CYRIB: variants seen among roughly 807,000 people sequenced by gnomAD.
CYRIB encodes CYFIP related Rac1 interactor B.
CYRIB carries 8 observed loss-of-function variants against 44.2 expected under a neutral mutation model. The ratio of observed to expected loss-of-function variants is 0.18; its 90% CI spans 0.11 to 0.33. CYRIB has a LOEUF of 0.33. Among genes scored for constraint, CYRIB ranks in the 10% least tolerant of loss-of-function variants. The probability of loss-of-function intolerance (pLI) is 1.00; values close to 1 mark genes in which losing one functional copy is unlikely to be tolerated. For synonymous variants in CYRIB, 131 were observed against 127.2 expected (o/e 1.03, Z -0.20); for missense variants, 185 against 382.8 (o/e 0.48, Z 4.31).
At chr8:129,900,366 T>C (rs1249529544) in intron 2 of CYRIB, among the ~76,000 whole-genome samples, 2 of 152,132 alleles carry the variant, frequency 1.3e-5, no homozygotes, top group African/African-American at 2.4e-5. Flanking sequence ...TTGAAATGAT[T>C]GTTAATGCTG....
At chr8:129,987,565 T>TTC (rs1192607478) in intron 1 of CYRIB, among the ~76,000 whole-genome samples, 21 of 63,796 alleles carry the variant, frequency 3.3e-4, no homozygotes, top group African/African-American at 1.9e-3. Flanking sequence ...TCTTTTTTTT[T>TTC]TTCTTTTTTT....
At chr8:130,007,989 A>T (rs2097142668) in intron 1 of CYRIB, among the ~76,000 whole-genome samples, 1 of 152,168 alleles carries the variant, frequency 6.6e-6, no homozygotes, top group Non-Finnish European at 1.5e-5. Context: ...CGGCCAGATC[A>T]TCTGAGGTCA....
intron 1 of CYRIB, among the ~76,000 whole-genome samples, chr8:129,991,971 A>AAAAAAAAAAAAAAAAGAGAGAG (rs994697259): frequency 2.2e-5 from 3 of 134,690 alleles, no homozygotes; most frequent in Non-Finnish European, 4.9e-5. Flanking sequence ...AAAAAAAAAA[A>AAAAAAAAAAAAAAAAGAGAGAG]ACAATAGGAA....
chr8:129,995,456 C>T (rs1299425192), intron 1 of CYRIB, among the ~76,000 whole-genome samples: 2 of 152,228 alleles, frequency 1.3e-5, no homozygotes, highest in African/African-American at 4.8e-5. Context: ...CATTCAGCAT[C>T]AGTTACATTG....
At chr8:129,943,637 G>C (rs1343158466), upstream of CYRIB, among the ~76,000 whole-genome samples, 7 of 130,008 alleles carry the variant, frequency 5.4e-5, no homozygotes, top group South Asian at 2.6e-4. Context: ...CTCGCTCTGT[G>C]GCCCAGGCGG....
exon 4 of CYRIB, chr8:129,871,455 C>A (rs1160108252): frequency 6.2e-7 from 1 of 1,611,240 alleles, no homozygotes; most frequent in Admixed American, 1.7e-5. Context: ...ACTACATTCA[C>A]CTGATTATAA....
chr8:129,972,438 G>A lies in CYRIB; in HGVS notation c.-295-1443C>T, dbSNP rs192328166. Among the ~76,000 whole-genome samples the A allele has an allele frequency of 8.9e-4, 136 of 152,188 alleles. 1 individual carries two copies. In the East Asian group the frequency reaches 0.021, roughly 24 times the overall value. The stretch of plus-strand genomic sequence containing the variant: ...CAAACAATTTAAAAATTAGCTGAGC[G>A]TGGTGGCACATGCCTGTAGTCCCAG... On this transcript the variant is annotated intron_variant, in intron 1 of 14. Transcript: ENST00000401979.
chr8:129,893,554 C>A (rs138092424), intron 2 of CYRIB, among the ~76,000 whole-genome samples: 192 of 152,218 alleles, frequency 1.3e-3, no homozygotes, highest in African/African-American at 4.4e-3. Flanking sequence ...AAATACTATT[C>A]ACAGTCTGTC....
intron 7 of CYRIB, among the ~76,000 whole-genome samples, chr8:129,853,124 A>G (rs2131640322): frequency 6.6e-6 from 1 of 152,262 alleles, no homozygotes; most frequent in Non-Finnish European, 1.5e-5. Flanking sequence ...CATTTCAGAG[A>G]TATTTCACTT....
At chr8:129,953,791 C>A (rs548229003) in intron 2 of CYRIB, among the ~76,000 whole-genome samples, 24 of 152,280 alleles carry the variant, frequency 1.6e-4, no homozygotes, top group African/African-American at 5.5e-4. Context: ...ATAAGCAAGA[C>A]AAGGAGGTAA....
intron 2 of CYRIB, among the ~76,000 whole-genome samples, chr8:129,960,213 G>A (rs2095158045): frequency 6.6e-6 from 1 of 152,164 alleles, no homozygotes; most frequent in Admixed American, 6.5e-5. Context: ...CAGAAACCCT[G>A]GTCAATCTTG....
At chr8:129,943,170 G>A (rs1022118676), upstream of CYRIB, among the ~76,000 whole-genome samples, 1 of 147,852 alleles carries the variant, frequency 6.8e-6, no homozygotes, top group African/African-American at 2.6e-5. Flanking sequence ...TGCTCCGGAG[G>A]GGCTGAGAGT....
chr8:129,862,184 A>G (rs1239149429), intron 5 of CYRIB, 45 bp downstream of exon 7: 1 of 1,360,616 alleles, frequency 7.3e-7, no homozygotes, highest in South Asian at 1.2e-5. Context: ...ATGAATAAAC[A>G]TCTTTTTCAC....
chr8:129,883,112 C>CAAAAAAAAAAAAAAA (rs34764499), intron 2 of CYRIB, among the ~76,000 whole-genome samples: 15 of 41,254 alleles, frequency 3.6e-4, no homozygotes, highest in South Asian at 1.3e-3. Flanking sequence ...GACTCCCTCT[C>CAAAAAAAAAAAAAAA]AAAAAAAAAA....
intron 1 of CYRIB, among the ~76,000 whole-genome samples, chr8:129,971,356 G>C (rs2095684453): frequency 6.6e-6 from 1 of 152,140 alleles, no homozygotes; most frequent in Non-Finnish European, 1.5e-5. Flanking sequence ...ACCTCCCAAA[G>C]TGCTGAATTA....
intron 1 of CYRIB, among the ~76,000 whole-genome samples, chr8:129,910,522 G>A (rs1294933692): frequency 2.8e-5 from 4 of 145,220 alleles, no homozygotes; most frequent in African/African-American, 1.0e-4. Context: ...CAAGGGCCAG[G>A]TGCAATGGTT....
chr8:129,926,181 A>G (rs1413269012), intron 1 of CYRIB, among the ~76,000 whole-genome samples: 1 of 152,224 alleles, frequency 6.6e-6, no homozygotes, highest in African/African-American at 2.4e-5. Context: ...TTTTCCATGA[A>G]AAGCAGGAAT....
intron 2 of CYRIB, among the ~76,000 whole-genome samples, chr8:129,894,968 C>T (rs1038686812): frequency 1.5e-4 from 22 of 150,196 alleles, no homozygotes; most frequent in African/African-American, 5.4e-4. Flanking sequence ...CAGGGTCTTG[C>T]TCTTTTTCGC....
intron 1 of CYRIB, chr8:129,939,483 AAAG>A (rs1330559942): frequency 2.0e-5 from 3 of 151,944 alleles, no homozygotes; most frequent in African/African-American, 7.2e-5. Context: ...GCGCGCCTGG[AAAG>A]GAGGAAGCCC....
Sources: gnomAD v4.1 joint callset for allele counts (sites outside exome capture counted in the v4.1 genomes callset) on GRCh38, gnomAD v4.1.1 for gene constraint, MANE v1.5 for transcripts, NCBI Gene and HGNC (gene_info 2026-07-23, HGNC 2026-07-21) for gene names.